Variants in PPP3CA observed in about 807,000 individuals in gnomAD.
PPP3CA encodes CAM-PRP catalytic subunit.
A neutral mutation model predicts 66.5 loss-of-function variants in PPP3CA; 14 were observed. The ratio of observed to expected loss-of-function variants is 0.21; its 90% confidence interval spans 0.14 to 0.33. PPP3CA has a LOEUF of 0.33. PPP3CA is among the 10% of genes least tolerant of loss of function. The pLI is 1.00. For synonymous variants in PPP3CA, 232 were observed against 226.2 expected (o/e 1.03, Z -0.23); for missense variants, 317 against 639.5 (o/e 0.50, Z 5.44).
At chr4:101,291,305 ATC>A (rs1439121798) in intron 1 of PPP3CA, among the ~76,000 whole-genome samples, 1 of 152,164 alleles carries the variant, frequency 6.6e-6, no homozygotes, top group East Asian at 1.9e-4. Flanking sequence ...ATGTTGTTTA[ATC>A]CACTCTGAGC....
At chr4:101,336,814 A>G (rs1326146787) in intron 1 of PPP3CA, among the ~76,000 whole-genome samples, 1 of 152,224 alleles carries the variant, frequency 6.6e-6, no homozygotes, top group Non-Finnish European at 1.5e-5. Context: ...GTGTACATGC[A>G]GGGGCGGGAT....
chr4:101,131,002 A>G (rs898167023), intron 2 of PPP3CA, among the ~76,000 whole-genome samples: 1 of 152,066 alleles, frequency 6.6e-6, no homozygotes, highest in African/African-American at 2.4e-5. Context: ...CGAGGTGGGC[A>G]GATCACCTGA....
At chr4:101,237,380 T>C (rs527626207) in intron 1 of PPP3CA, among the ~76,000 whole-genome samples, 1 of 152,060 alleles carries the variant, frequency 6.6e-6, no homozygotes, top group South Asian at 2.1e-4. Context: ...TGAGTATTAA[T>C]AGGCATTTCA....
intron 1 of PPP3CA, among the ~76,000 whole-genome samples, chr4:101,321,986 T>G (rs1729054471): frequency 6.6e-6 from 1 of 152,190 alleles, no homozygotes; most frequent in South Asian, 2.1e-4. Flanking sequence ...CAATTAAGAA[T>G]AAGAAATCCT....
chr4:101,320,446 C>CATA (rs1414902015), intron 1 of PPP3CA, among the ~76,000 whole-genome samples: 3 of 143,186 alleles, frequency 2.1e-5, no homozygotes, highest in Non-Finnish European at 3.0e-5. Flanking sequence ...ATACACAAAA[C>CATA]CACTCATATG....
At chr4:101,262,526 T>C (rs1378679921) in intron 1 of PPP3CA, among the ~76,000 whole-genome samples, 2 of 152,150 alleles carry the variant, frequency 1.3e-5, no homozygotes, top group Admixed American at 6.6e-5. Flanking sequence ...TGGCACTTCA[T>C]ATTGTAAAGG....
At chr4:101,281,959 AG>A (rs1205194667) in intron 1 of PPP3CA, among the ~76,000 whole-genome samples, 1 of 152,198 alleles carries the variant, frequency 6.6e-6, no homozygotes, top group Non-Finnish European at 1.5e-5. Flanking sequence ...GTTAGACCTC[AG>A]GGGGCCTATA....
At chr4:101,289,865 C>CGT (rs1480778164) in intron 1 of PPP3CA, among the ~76,000 whole-genome samples, 14 of 117,956 alleles carry the variant, frequency 1.2e-4, no homozygotes, top group African/African-American at 4.9e-4. Context: ...CCAAAATGTC[C>CGT]GTGTATGTGT....
chr4:101,341,281 G>A lies in PPP3CA; in HGVS notation c.58+5458C>T, dbSNP rs138866616. 4.6e-3 allele frequency among the ~76,000 whole-genome samples: 692 copies of A among 150,680 alleles called. 4 individuals carry two copies. The highest frequency in any genetic ancestry group is 6.9e-3 in the Non-Finnish European group (464 of 67,732). On this transcript the variant is annotated intron_variant, in intron 1 of 13. Transcript: ENST00000394854. ...CCACCTCAGCATCCCAAAGTGCTAG[G>A]ATTATAGGTGTGAGCCACCACACCT... is the stretch of plus-strand genomic sequence containing the variant.
chr4:101,333,874 C>T lies in PPP3CA; in HGVS notation c.58+12865G>A, dbSNP rs80115926. On this transcript the variant is annotated intron_variant, in intron 1 of 13. Transcript: ENST00000394854. Reference sequence around the variant, plus strand: ...CTATTAAAGAAAGCAAAACTTATACCGTGATTTCCTTTTGCTTCCCACACT... The same window carrying T: ...CTATTAAAGAAAGCAAAACTTATACTGTGATTTCCTTTTGCTTCCCACACT... 9.3e-3 allele frequency among the ~76,000 whole-genome samples: 1,420 copies of T among 152,218 alleles called. 24 individuals carry two copies. The highest frequency in any genetic ancestry group is 0.029 in the African/African-American group (1,193 of 41,518).
intron 1 of PPP3CA, among the ~76,000 whole-genome samples, chr4:101,335,327 C>G (rs1360391991): frequency 5.3e-5 from 8 of 151,566 alleles, no homozygotes; most frequent in Admixed American, 5.3e-4. Context: ...GCAGAAGAGG[C>G]AGGTTTGGCT....
chr4:101,098,590 A>C (rs1210404760), intron 4 of PPP3CA, 78 bp from the exon 5 acceptor site: 2 of 1,390,956 alleles, frequency 1.4e-6, no homozygotes, highest in Non-Finnish European at 1.9e-6. Context: ...TTTTTTGAGA[A>C]GTTTTCTTGC....
At chr4:101,254,778 TG>T (rs1327953768) in intron 1 of PPP3CA, among the ~76,000 whole-genome samples, 2 of 151,898 alleles carry the variant, frequency 1.3e-5, no homozygotes, top group African/African-American at 4.8e-5. Context: ...TGAAAAATTT[TG>T]CTCCTATAGT....
chr4:101,131,713 G>A (rs1722447228), intron 2 of PPP3CA, among the ~76,000 whole-genome samples: 1 of 152,060 alleles, frequency 6.6e-6, no homozygotes, highest in Admixed American at 6.5e-5. Context: ...AAATTAACAA[G>A]GATATTCAGA....
intron 1 of PPP3CA, among the ~76,000 whole-genome samples, chr4:101,243,378 G>A (rs1463095887): frequency 6.6e-6 from 1 of 152,094 alleles, no homozygotes; most frequent in Non-Finnish European, 1.5e-5. Flanking sequence ...AACAGCACAG[G>A]GAGTTACAGA....
intron 1 of PPP3CA, among the ~76,000 whole-genome samples, chr4:101,212,689 T>C (rs1407258803): frequency 6.6e-6 from 1 of 152,144 alleles, no homozygotes; most frequent in Admixed American, 6.6e-5. Flanking sequence ...ATTTTATTCA[T>C]TATCATGGGC....
chr4:101,086,966 C>G (rs781684231), intron 6 of PPP3CA, among the ~76,000 whole-genome samples: 2 of 152,152 alleles, frequency 1.3e-5, no homozygotes, highest in Non-Finnish European at 2.9e-5. Flanking sequence ...AGTGCTTTGG[C>G]AAAGCAGAGG....
chr4:101,036,634 G>C (rs1323931038), intron 11 of PPP3CA, among the ~76,000 whole-genome samples: 1 of 151,400 alleles, frequency 6.6e-6, no homozygotes, highest in African/African-American at 2.4e-5. Flanking sequence ...GGATGGTCTC[G>C]ATCTCCTGAC....
At chr4:101,073,078 A>G (rs1248835485) in intron 8 of PPP3CA, among the ~76,000 whole-genome samples, 1 of 151,852 alleles carries the variant, frequency 6.6e-6, no homozygotes, top group Non-Finnish European at 1.5e-5. Flanking sequence ...CAATGAGAGG[A>G]GACATTCTGT....
Sources: gnomAD v4.1 joint callset for allele counts (sites outside exome capture counted in the v4.1 genomes callset) on GRCh38, gnomAD v4.1.1 for gene constraint, MANE v1.5 for transcripts, NCBI Gene and HGNC (gene_info 2026-07-23, HGNC 2026-07-21) for gene names.